Variants in ENTHD1 observed in about 807,000 individuals in gnomAD.
The protein encoded by ENTHD1 is ENTH domain-containing protein 1.
A neutral mutation model predicts 39.1 loss-of-function variants in ENTHD1; 23 were observed. That is an observed-to-expected ratio of 0.59 (90% CI 0.42 to 0.83). The LOEUF (loss-of-function observed/expected upper bound fraction) is 0.83, where lower values mean the gene tolerates loss of function less well. ENTHD1 is among the 40% of genes least tolerant of loss of function. ENTHD1 has a pLI of 0.00. For synonymous variants in ENTHD1, 230 were observed against 258.2 expected (o/e 0.89, Z 1.05); for missense variants, 624 against 705.4 (o/e 0.88, Z 1.31).
At chr22:39,773,380 C>G (rs987263805) in intron 5 of ENTHD1, among the ~76,000 whole-genome samples, 2 of 152,104 alleles carry the variant, frequency 1.3e-5, no homozygotes, top group Non-Finnish European at 2.9e-5. Context: ...GGTCCATGTG[C>G]TGGACCATAA....
intron 4 of ENTHD1, among the ~76,000 whole-genome samples, chr22:39,829,951 C>G (rs2065855820): frequency 6.6e-6 from 1 of 152,078 alleles, no homozygotes; most frequent in Admixed American, 6.5e-5. Context: ...TCATAGCATA[C>G]TATCTACAGT....
At chr22:39,890,728 C>A (rs1251513099) in intron 1 of ENTHD1, among the ~76,000 whole-genome samples, 1 of 152,084 alleles carries the variant, frequency 6.6e-6, no homozygotes, top group Non-Finnish European at 1.5e-5. Flanking sequence ...TTACATGACA[C>A]CATATCAGAA....
intron 4 of ENTHD1, among the ~76,000 whole-genome samples, chr22:39,826,344 T>A (rs2146658927): frequency 6.6e-6 from 1 of 152,254 alleles, no homozygotes; most frequent in East Asian, 1.9e-4. Context: ...ATTTTTTAAT[T>A]ATTTTTACTT....
chr22:39,892,140 C>A (rs555008460), intron 1 of ENTHD1, among the ~76,000 whole-genome samples: 2 of 152,264 alleles, frequency 1.3e-5, no homozygotes, highest in African/African-American at 2.4e-5. Context: ...AAAACATGAA[C>A]CTCACATTAA....
At chr22:39,868,342 T>C (rs2066207066) in intron 2 of ENTHD1, among the ~76,000 whole-genome samples, 1 of 146,890 alleles carries the variant, frequency 6.8e-6, no homozygotes, top group African/African-American at 2.5e-5. Flanking sequence ...GAGAAACCTT[T>C]ATTTTATTAA....
At chr22:39,819,646 GA>G (rs1275613389) in intron 5 of ENTHD1, among the ~76,000 whole-genome samples, 1 of 152,072 alleles carries the variant, frequency 6.6e-6, no homozygotes, top group East Asian at 1.9e-4. Flanking sequence ...TACTATGTCT[GA>G]TACTATAATG....
At position 39,743,758 on chromosome 22, in the gene ENTHD1, C is replaced by T. The variant is rs1342012340; in HGVS notation, c.1745G>A (p.Ser582Asn). ...TATTTGTGAACTATTCAGACTCATG[C>T]TCATCAAGATGTTATTGATGACATT... Reference protein sequence around the residue: ...ELNVINNILMSMSLNSSQISQ... With the variant: ...ELNVINNILMNMSLNSSQISQ... The change falls in exon 7 of 7, where the codon AGC (serine) becomes AAC (asparagine). Residue 582 changes from serine (S) to asparagine (N), a missense_variant. Coordinates refer to ENST00000325157, the MANE Select transcript of ENTHD1 (RefSeq NM_152512.4). The T allele has an allele frequency of 1.9e-6, 3 of 1,613,986 alleles. No individual in the cohort carries two copies. Among genetic ancestry groups the T allele is most frequent in the African/African-American group, 2.7e-5 (2 of 74,900 alleles).
intron 3 of ENTHD1, among the ~76,000 whole-genome samples, chr22:39,847,939 T>C (rs574525662): frequency 1.8e-4 from 27 of 152,226 alleles, no homozygotes; most frequent in Non-Finnish European, 3.7e-4. Flanking sequence ...TCTCTGTTTC[T>C]GGTTTCACAA....
intron 5 of ENTHD1, among the ~76,000 whole-genome samples, chr22:39,801,858 A>C (rs2065601144): frequency 6.6e-6 from 1 of 152,190 alleles, no homozygotes; most frequent in African/African-American, 2.4e-5. Flanking sequence ...TGCACAGCAG[A>C]CATACAACCA....
At chr22:39,806,937 G>T (rs2065645901) in intron 5 of ENTHD1, among the ~76,000 whole-genome samples, 1 of 152,180 alleles carries the variant, frequency 6.6e-6, no homozygotes, top group African/African-American at 2.4e-5. Flanking sequence ...ATGGTGTTTG[G>T]GGGAAGCAGT....
In ENTHD1 at chr22:39,887,653, G is replaced by A. The variant is rs149568142; in HGVS notation, c.96C>T (p.Pro32=). The A allele has an allele frequency of 3.3e-4, 532 of 1,610,742 alleles. 2 individuals are homozygous for A. In the African/African-American group the frequency reaches 6.1e-3, roughly 19 times the overall value. The change falls in exon 2 of 7, where the codon CCC becomes CCT. Residue 32 remains proline, a synonymous_variant. Coordinates refer to ENST00000325157, the MANE Select transcript of ENTHD1 (RefSeq NM_152512.4). The part of the protein sequence containing the change: ...REATSNDPWG[P]SSSLMLDISD... ...TGATATCTAACATCAGAGAACTAGA[G>A]GGACCCCAAGGGTCGTTAGAAGTTG...
At chr22:39,794,709 C>T (rs2065532921) in intron 5 of ENTHD1, among the ~76,000 whole-genome samples, 1 of 151,092 alleles carries the variant, frequency 6.6e-6, no homozygotes, top group Non-Finnish European at 1.5e-5. Flanking sequence ...GAGGCTGAGG[C>T]AGGAGAATGG....
At chr22:39,758,526 G>A (rs1249240072) in intron 6 of ENTHD1, among the ~76,000 whole-genome samples, 1 of 152,190 alleles carries the variant, frequency 6.6e-6, no homozygotes, top group Admixed American at 6.5e-5. Flanking sequence ...TTGGGCTCAA[G>A]TGACCTTCCC....
intron 5 of ENTHD1, among the ~76,000 whole-genome samples, chr22:39,809,084 C>G (rs1475627131): frequency 6.6e-6 from 1 of 152,182 alleles, no homozygotes; most frequent in East Asian, 1.9e-4. Context: ...TATAAAGACA[C>G]TTTTAAGGAA....
chr22:39,852,229 C>G (rs995558820), intron 3 of ENTHD1, among the ~76,000 whole-genome samples: 2 of 151,800 alleles, frequency 1.3e-5, no homozygotes, highest in Non-Finnish European at 2.9e-5. Context: ...GCCTGCAGTC[C>G]CAGCTACTTG....
intron 3 of ENTHD1, among the ~76,000 whole-genome samples, chr22:39,837,447 CTTA>C (rs1312112405): frequency 1.3e-5 from 2 of 152,138 alleles, no homozygotes; most frequent in Non-Finnish European, 2.9e-5. Flanking sequence ...CTTCACCCAT[CTTA>C]TTATGATATC....
At position 39,887,844 on chromosome 22, in the gene ENTHD1, C is replaced by T. The variant is rs1210837016; in HGVS notation, c.-96G>A. ...AAAACTCTTGACAGGTAATTGGTCC[C>T]CAGTTCTGCTGCTCCCAAATACAAA... On this transcript the variant is annotated 5_prime_UTR_variant, in exon 2 of 7. Transcript: ENST00000325157. 1.3e-6 allele frequency: 1 copy of T among 799,678 alleles called. No homozygotes were observed. The highest frequency in any genetic ancestry group is 1.7e-5 in the African/African-American group (1 of 57,616). The allele number at this position is 799,678 out of a possible 1,614,324, so 49.5% of individuals were successfully genotyped here.
intron 2 of ENTHD1, among the ~76,000 whole-genome samples, chr22:39,864,182 A>G (rs2066166512): frequency 6.6e-6 from 1 of 152,194 alleles, no homozygotes; most frequent in African/African-American, 2.4e-5. Context: ...TTGGAGGCAC[A>G]AAGAACATGT....
intron 5 of ENTHD1, among the ~76,000 whole-genome samples, chr22:39,817,362 T>C (rs2065741729): frequency 6.6e-6 from 1 of 152,180 alleles, no homozygotes; most frequent in South Asian, 2.1e-4. Context: ...GAATAAACTA[T>C]GATAGCCAGG....
Sources: allele counts gnomAD v4.1 joint callset (sites outside exome capture counted in the v4.1 genomes callset), GRCh38; gene constraint gnomAD v4.1.1; transcripts MANE v1.5; gene names NCBI Gene and HGNC (gene_info 2026-07-23, HGNC 2026-07-21).